The following CELF2 variants were observed in gnomAD, a reference collection of about 807,000 sequenced individuals.
CELF2 encodes CUGBP Elav-like family member 2.
CELF2 carries 8 observed loss-of-function variants against 62.6 expected under a neutral mutation model. The observed-to-expected ratio is 0.13, with a 90% CI of 0.07 to 0.23. CELF2 has a LOEUF of 0.23. Among genes scored for constraint, CELF2 ranks in the 10% least tolerant of loss-of-function variants. The pLI is 1.00. For synonymous variants in CELF2, 258 were observed against 250.0 expected (o/e 1.03, Z -0.30); for missense variants, 333 against 671.0 (o/e 0.50, Z 5.56).
the CELF2 span, among the ~76,000 whole-genome samples, chr10:10,566,482 T>C: frequency 1.3e-5 from 2 of 150,692 alleles, no homozygotes; most frequent in Admixed American, 1.3e-4. Flanking sequence ...GTTAGTTACA[T>C]ATGTATACAT....
At chr10:10,962,391 T>C (rs2049613658) in intron 2 of CELF2, among the ~76,000 whole-genome samples, 1 of 152,208 alleles carries the variant, frequency 6.6e-6, no homozygotes, top group Non-Finnish European at 1.5e-5. Flanking sequence ...AAGGGGCTTT[T>C]GTGCTTGAAG....
At position 11,285,291 on chromosome 10, in the gene CELF2, C is replaced by T. The variant is rs2090852883; in HGVS notation, c.842-3127C>T. ...CTCTCCTTTCCACTCTTCATCTCAGCTTCCTTGACTCATAGTTTTTCCTTT... is the reference window on the plus strand; with the variant it reads ...CTCTCCTTTCCACTCTTCATCTCAGTTTCCTTGACTCATAGTTTTTCCTTT... On this transcript the variant is annotated intron_variant, in intron 8 of 12. Transcript: ENST00000633077. This position sits in a 1 kb window ranked among gnomAD's most constrained non-coding sequence, Gnocchi z 4.3. Among the ~76,000 whole-genome samples, 1 of 152,142 alleles carries T rather than the reference C, an allele frequency of 6.6e-6. No individual in the cohort carries two copies.
chr10:11,317,073 T>G lies in CELF2; in HGVS notation c.1096+2815T>G, dbSNP rs369012667. The stretch of plus-strand genomic sequence containing the variant: ...CCAAGAGTCTGTATCTGATTTTATG[T>G]GTTTCAGTGTATGTCAAGTGGCATC... On this transcript the variant is annotated intron_variant, in intron 10 of 12. Transcript: ENST00000633077. The G allele has an allele frequency of 1.4e-4, 22 of 152,324 alleles. No individual in the cohort carries two copies. The South Asian group carries it at 3.9e-3, about 27-fold the overall frequency. The allele number at this position is 152,324 out of a possible 1,614,324, so 9.4% of individuals were successfully genotyped here. A position where few individuals can be genotyped will look rare whatever the true frequency, so the allele number is the denominator to read the frequency against.
the CELF2 span, among the ~76,000 whole-genome samples, chr10:10,554,896 A>G: frequency 4.1e-4 from 62 of 152,248 alleles, no homozygotes; most frequent in African/African-American, 1.2e-3. Flanking sequence ...AAATAATCCT[A>G]GAGATGTTAC....
At chr10:10,973,017 C>T (rs1295851152) in intron 2 of CELF2, among the ~76,000 whole-genome samples, 2 of 152,098 alleles carry the variant, frequency 1.3e-5, no homozygotes, top group African/African-American at 4.8e-5. Context: ...CAGCCGGGCA[C>T]GGTGGCTCAC....
At chr10:11,161,159 C>T (rs1272709948) in intron 1 of CELF2, among the ~76,000 whole-genome samples, 5 of 152,226 alleles carry the variant, frequency 3.3e-5, no homozygotes, top group Non-Finnish European at 7.3e-5. Flanking sequence ...AAAAAGTAAG[C>T]ACTCATCGTT....
At chr10:10,501,092 A>G in the CELF2 span, among the ~76,000 whole-genome samples, 1 of 152,318 alleles carries the variant, frequency 6.6e-6, no homozygotes, top group African/African-American at 2.4e-5. Flanking sequence ...ATTCCTGTAC[A>G]GTTTTTTGTG....
chr10:11,121,959 C>G (rs2057838719), intron 1 of CELF2, among the ~76,000 whole-genome samples: 1 of 152,102 alleles, frequency 6.6e-6, no homozygotes, highest in Non-Finnish European at 1.5e-5. Flanking sequence ...TTTATTTTGT[C>G]CATGTGTGCC....
chr10:10,671,023 C>T, the CELF2 span, among the ~76,000 whole-genome samples: 1 of 151,904 alleles, frequency 6.6e-6, no homozygotes, highest in Non-Finnish European at 1.5e-5. Flanking sequence ...AAACATTAGC[C>T]AGGCACGGTG....
At chr10:10,518,212 T>C in the CELF2 span, among the ~76,000 whole-genome samples, 1 of 152,214 alleles carries the variant, frequency 6.6e-6, no homozygotes. Flanking sequence ...TGTAGCATCT[T>C]AATCTTTGTT....
chr10:11,225,983 G>A (rs975730520), intron 3 of CELF2, among the ~76,000 whole-genome samples: 4 of 152,204 alleles, frequency 2.6e-5, no homozygotes, highest in Non-Finnish European at 4.4e-5. Flanking sequence ...TGATGGAACT[G>A]GAATTAGAAG....
At chr10:11,031,611 A>G (rs1329953217) in intron 1 of CELF2, among the ~76,000 whole-genome samples, 1 of 152,178 alleles carries the variant, frequency 6.6e-6, no homozygotes, top group East Asian at 1.9e-4. Context: ...ATAACCTAAG[A>G]GGATGTGATT....
chr10:11,051,208 G>T (rs1416691069), intron 1 of CELF2, among the ~76,000 whole-genome samples: 1 of 152,106 alleles, frequency 6.6e-6, no homozygotes, highest in African/African-American at 2.4e-5. Flanking sequence ...TTCTTGAAAA[G>T]GTTAGCTTTT....
the CELF2 span, among the ~76,000 whole-genome samples, chr10:10,529,416 G>A: frequency 6.6e-6 from 1 of 152,234 alleles, no homozygotes; most frequent in Non-Finnish European, 1.5e-5. Context: ...GCAGGGCACA[G>A]TGGCTCACAC....
chr10:10,574,578 G>T, the CELF2 span, among the ~76,000 whole-genome samples: 1 of 152,202 alleles, frequency 6.6e-6, no homozygotes, highest in African/African-American at 2.4e-5. Flanking sequence ...GTCTTCTCAT[G>T]AAAATAGTGA....
At chr10:10,629,511 T>C in the CELF2 span, among the ~76,000 whole-genome samples, 1 of 152,236 alleles carries the variant, frequency 6.6e-6, no homozygotes, top group Admixed American at 6.5e-5. Flanking sequence ...AAATTTTCAC[T>C]TGCTTAAATT....
the CELF2 span, among the ~76,000 whole-genome samples, chr10:10,480,650 C>T: frequency 6.6e-6 from 1 of 152,104 alleles, no homozygotes; most frequent in Non-Finnish European, 1.5e-5. Context: ...TTCCTAAACT[C>T]CCAAATTGAA....
In CELF2 at chr10:11,262,940, C is replaced by CTTTTTTTTTTTTTTTTTTTTTTTTTT. The variant is rs553831640; in HGVS notation, c.539-3656_539-3631dup. Among the ~76,000 whole-genome samples, 15 of 52,764 alleles carry CTTTTTTTTTTTTTTTTTTTTTTTTTT rather than the reference C, an allele frequency of 2.8e-4. 3 individuals are homozygous for CTTTTTTTTTTTTTTTTTTTTTTTTTT. Among genetic ancestry groups the CTTTTTTTTTTTTTTTTTTTTTTTTTT allele is most frequent in the East Asian group, 1.9e-3 (2 of 1,036 alleles). 34.6% of individuals were successfully genotyped at this position (52,764 alleles called of 152,430 possible). A position where few individuals can be genotyped will look rare whatever the true frequency, so the allele number is the denominator to read the frequency against. On this transcript the variant is annotated intron_variant, in intron 5 of 12. Coordinates refer to ENST00000633077, the MANE Select transcript of CELF2 (RefSeq NM_001326342.2). ...GTTCATGCTTTTAAAAGTGGCTTTACTTTTTTTTTTTTTTTTTTTTTTTTT... is the reference window on the plus strand; with the variant it reads ...GTTCATGCTTTTAAAAGTGGCTTTACTTTTTTTTTTTTTTTTTTTTTTTTTTTTTTTTTTTTTTTTTTTTTTTTTTT...
the CELF2 span, among the ~76,000 whole-genome samples, chr10:10,675,048 A>G: frequency 6.6e-6 from 1 of 152,146 alleles, no homozygotes; most frequent in Non-Finnish European, 1.5e-5. Flanking sequence ...ATAAGAATAA[A>G]TGTTTTTATT....
Sources: allele counts gnomAD v4.1 joint callset (sites outside exome capture counted in the v4.1 genomes callset), GRCh38; gene constraint gnomAD v4.1.1; non-coding constraint Gnocchi (gnomAD v3.1); transcripts MANE v1.5; gene names NCBI Gene and HGNC (gene_info 2026-07-23, HGNC 2026-07-21).